Variants in HMGCL observed in about 807,000 individuals in gnomAD.
HMGCL encodes 3-hydroxy-3-methylglutaryl-CoA lyase.
HMGCL carries 26 observed loss-of-function variants against 37.3 expected under a neutral mutation model. The ratio of observed to expected loss-of-function variants is 0.70; its 90% CI spans 0.51 to 0.97. HMGCL has a LOEUF of 0.97. Among genes scored for constraint, HMGCL ranks in the 50% least tolerant of loss-of-function variants. HMGCL has a pLI of 0.00. For missense variants in HMGCL, 379 were observed against 398.1 expected, an observed-to-expected ratio of 0.95 and a Z score of 0.41; for synonymous variants, 151 against 148.0, an observed-to-expected ratio of 1.02 and a Z score of -0.15.
chr1:23,802,508 G>C lies in HMGCL; in HGVS notation c.933C>G (p.Asn311Lys), dbSNP rs1194563406. Residue 311 changes from asparagine (N) to lysine (K), a missense_variant, in exon 9 of 9, where the codon AAC becomes AAG. Transcript: ENST00000374490. ...GAGCCACTTTGGAGCTAGTTTTTCT[G>C]TTCAGGGCTTGACAGATAAAGTTTC... ...EAGNFICQAL[N>K]RKTSSKVAQA... The C allele has an allele frequency of 1.9e-6, 3 of 1,614,126 alleles. No individual in the cohort carries two copies. Among genetic ancestry groups the C allele is most frequent in the Non-Finnish European group, 1.7e-6 (2 of 1,179,960 alleles).
intron 2 of HMGCL, among the ~76,000 whole-genome samples, chr1:23,818,498 C>T (rs1323593348): frequency 1.3e-5 from 2 of 152,132 alleles, no homozygotes; most frequent in Non-Finnish European, 2.9e-5. Flanking sequence ...GCTAGGTCCT[C>T]CCCTTGCCTG....
At chr1:23,811,195 T>G (rs1024776680) in intron 5 of HMGCL, among the ~76,000 whole-genome samples, 5 of 151,966 alleles carry the variant, frequency 3.3e-5, no homozygotes, top group Non-Finnish European at 5.9e-5. Context: ...AAAACCAAAC[T>G]CAGAACAAGA....
At chr1:23,821,683 T>C (rs1284908896) in intron 1 of HMGCL, among the ~76,000 whole-genome samples, 1 of 151,970 alleles carries the variant, frequency 6.6e-6, no homozygotes, top group East Asian at 1.9e-4. Context: ...AATGACTCTA[T>C]ATGTCACTTG....
chr1:23,818,647 G>T (rs973024644), intron 2 of HMGCL, among the ~76,000 whole-genome samples: 2 of 151,992 alleles, frequency 1.3e-5, no homozygotes, highest in East Asian at 3.9e-4. Flanking sequence ...CGCCTTCCGG[G>T]TTCAAGCGAT....
intron 4 of HMGCL, 28 bp from the exon 5 acceptor site, chr1:23,814,366 A>T (rs756578288): frequency 6.2e-7 from 1 of 1,611,288 alleles, no homozygotes; most frequent in Non-Finnish European, 8.5e-7. Context: ...AACTCCTTTC[A>T]GCACTTTTCT....
intron 2 of HMGCL, among the ~76,000 whole-genome samples, chr1:23,819,467 GC>G (rs1385161793): frequency 2.0e-5 from 3 of 152,188 alleles, no homozygotes; most frequent in Non-Finnish European, 4.4e-5. Flanking sequence ...ATTGGCTCAT[GC>G]CTGTAATCCC....
intron 1 of HMGCL, among the ~76,000 whole-genome samples, chr1:23,822,047 T>G (rs547581255): frequency 6.6e-6 from 1 of 152,314 alleles, no homozygotes; most frequent in South Asian, 2.1e-4. Flanking sequence ...ATAAGCTCTT[T>G]GAGGGACCTT....
At chr1:23,819,006 T>TAAAAAAAAAAAAAAAAAAAAAAAAAAAA (rs11371330) in intron 2 of HMGCL, among the ~76,000 whole-genome samples, 1 of 43,120 alleles carries the variant, frequency 2.3e-5, no homozygotes, top group African/African-American at 1.0e-4. Flanking sequence ...ATGGACGTGC[T>TAAAAAAAAAAAAAAAAAAAAAAAAAAAA]AAAAAAAAAA....
chr1:23,820,875 A>G (rs1406123315), intron 1 of HMGCL, among the ~76,000 whole-genome samples: 1 of 152,184 alleles, frequency 6.6e-6, no homozygotes, highest in East Asian at 1.9e-4. Context: ...GCATCTCTTC[A>G]TATAGCAGTC....
In HMGCL at chr1:23,806,862, T is replaced by C. The variant is rs1275727704; in HGVS notation, c.750+1273A>G. On this transcript the variant is annotated intron_variant, in intron 7 of 8. Coordinates refer to ENST00000374490, the MANE Select transcript of HMGCL (RefSeq NM_000191.3). The surrounding 1 kb of genome is among the most constrained non-coding windows in gnomAD (Gnocchi z 4.0). ...ATGTGCTATTTACACGCCTGTAATCTTCCATCTGTCTTCCCCACCCACCAT... is the reference window on the plus strand; with the variant it reads ...ATGTGCTATTTACACGCCTGTAATCCTCCATCTGTCTTCCCCACCCACCAT... 2 of 456,542 alleles carry C rather than the reference T, an allele frequency of 4.4e-6. No homozygotes were observed. Among genetic ancestry groups the C allele is most frequent in the East Asian group, 1.3e-4 (2 of 15,798 alleles). The allele number at this position is 456,542 out of a possible 1,614,324, so 28.3% of individuals were successfully genotyped here. A position where few individuals can be genotyped will look rare whatever the true frequency, so the allele number is the denominator to read the frequency against.
rs778751712 is a variant in HMGCL at position 23,820,583 on chromosome 1, G to A, written c.71C>T (p.Ser24Leu). The change falls in exon 2 of 9, where the codon TCA (serine) becomes TTA (leucine). Residue 24 changes from serine (S) to leucine (L), a missense_variant. By Grantham distance (145) the Ser-to-Leu change is moderately radical (BLOSUM62 -2). Transcript: ENST00000374490. Reference protein sequence around the residue: ...GLASLRAVSTSSMGTLPKRVK... With the variant: ...GLASLRAVSTLSMGTLPKRVK... ...CCGCTTTGGTAAAGTGCCCATAGAT[G>A]AGGTGCTGACCTTTGGTTTAAAAGA... is the stretch of plus-strand genomic sequence containing the variant. The A allele has an allele frequency of 7.4e-6, 12 of 1,613,560 alleles. No individual in the cohort carries two copies.
At chr1:23,818,475 C>T (rs767410968) in intron 2 of HMGCL, among the ~76,000 whole-genome samples, 2 of 152,048 alleles carry the variant, frequency 1.3e-5, no homozygotes, top group Non-Finnish European at 2.9e-5. Context: ...CAAAAATACT[C>T]CAGGTCCTTC....
chr1:23,811,157 T>A (rs895006917), intron 5 of HMGCL, among the ~76,000 whole-genome samples: 7 of 152,138 alleles, frequency 4.6e-5, no homozygotes, highest in African/African-American at 1.7e-4. Flanking sequence ...CTGGGGCCAG[T>A]ACTCCAAAAG....
chr1:23,813,023 G>A (rs1341135898), intron 5 of HMGCL, among the ~76,000 whole-genome samples: 2 of 151,982 alleles, frequency 1.3e-5, no homozygotes, highest in African/African-American at 4.8e-5. Context: ...CTGAGTAGCT[G>A]GGATTACAGG....
chr1:23,816,767 C>G lies in HMGCL; in HGVS notation c.256G>C (p.Gly86Arg). The change falls in exon 4 of 9, where the codon GGT becomes CGT. Residue 86 changes from glycine (G) to arginine (R), a missense_variant. By Grantham distance (125) the Gly-to-Arg change is moderately radical (BLOSUM62 -2). Transcript: ENST00000374490. ...CCCTTCAAGACTTCAGTGTGGTCACCCATCTAGGAACCAAGGGAGACATTG... is the reference window on the plus strand; with the variant it reads ...CCCTTCAAGACTTCAGTGTGGTCACGCATCTAGGAACCAAGGGAGACATTG... ...FVSPKWVPQM[G>R]DHTEVLKGIQ... 6.2e-7 allele frequency: 1 copy of G among 1,604,754 alleles called. No individual in the cohort carries two copies. Among genetic ancestry groups the G allele is most frequent in the Non-Finnish European group, 8.5e-7 (1 of 1,171,468 alleles).
At position 23,814,251 on chromosome 1, in the gene HMGCL, T is replaced by G; in HGVS notation, c.436A>C (p.Ser146Arg). 6.2e-7 allele frequency: 1 copy of G among 1,614,050 alleles called. No homozygotes were observed. Residue 146 changes from serine (S) to arginine (R), a missense_variant, in exon 5 of 9, where the codon AGT becomes CGT. Coordinates refer to ENST00000374490, the MANE Select transcript of HMGCL (RefSeq NM_000191.3). ...AGGATTGCGTCAAACCTCTGAAAAC[T>G]CTCCTCTATGGAACAATTGATGTTC... ...KKNINCSIEE[S>R]FQRFDAILKA... is the part of the protein sequence containing the mutation.
chr1:23,808,265 C>A lies in HMGCL; in HGVS notation c.620G>T (p.Gly207Val). 6.2e-7 allele frequency: 1 copy of A among 1,614,024 alleles called. No homozygotes were observed. The highest frequency in any genetic ancestry group is 8.5e-7 in the Non-Finnish European group (1 of 1,179,950). The change falls in exon 7 of 9, where the codon GGT becomes GTT. Residue 207 changes from glycine to valine, a missense_variant. Coordinates refer to ENST00000374490, the MANE Select transcript of HMGCL (RefSeq NM_000191.3). ...CYEISLGDTI[G>V]VGTPGIMKDM... ...TTTCATGATCCCTGGGGTGCCCACACCAATGGTGTCCCCCAGGGAGATCTC... is the reference window on the plus strand; with the variant it reads ...TTTCATGATCCCTGGGGTGCCCACAACAATGGTGTCCCCCAGGGAGATCTC...
intron 5 of HMGCL, among the ~76,000 whole-genome samples, chr1:23,813,677 T>C (rs1022825728): frequency 6.6e-6 from 1 of 152,214 alleles, no homozygotes; most frequent in African/African-American, 2.4e-5. Context: ...TGCTGGGCTA[T>C]TGTGAGGTTT....
intron 7 of HMGCL, chr1:23,807,314 G>C: frequency 2.0e-6 from 1 of 508,478 alleles, no homozygotes; most frequent in Non-Finnish European, 3.9e-6. Flanking sequence ...ACAGAACTAC[G>C]AACCTTAACC....
Sources: allele counts gnomAD v4.1 joint callset (sites outside exome capture counted in the v4.1 genomes callset), GRCh38; gene constraint gnomAD v4.1.1; non-coding constraint Gnocchi (gnomAD v3.1); transcripts MANE v1.5; gene names NCBI Gene and HGNC (gene_info 2026-07-23, HGNC 2026-07-21).